N4BP2: variants seen among roughly 807,000 people sequenced by gnomAD.
The protein encoded by N4BP2 is NEDD4-binding protein 2.
In N4BP2, 91 loss-of-function variants were observed where a neutral mutation model predicts 152.8. That is an observed-to-expected ratio of 0.60 (90% CI 0.50 to 0.71). N4BP2 has a LOEUF of 0.71. Among genes scored for constraint, N4BP2 ranks in the 30% least tolerant of loss-of-function variants. N4BP2 has a pLI of 0.00. For missense variants in N4BP2, 1,923 were observed against 2,059.1 expected (o/e 0.93, Z 1.28); for synonymous variants, 646 against 705.3 (o/e 0.92, Z 1.33).
In N4BP2 at chr4:40,157,248, T is replaced by C. The variant is rs1721674635; in HGVS notation, c.*3011T>C. On this transcript the variant is annotated 3_prime_UTR_variant, in exon 18 of 18. Transcript: ENST00000261435. ...TATTGGCTCTTCATATTTCTCTACATTATTTTTAATGTGCAGTTTCTTCAA... is the reference window on the plus strand; with the variant it reads ...TATTGGCTCTTCATATTTCTCTACACTATTTTTAATGTGCAGTTTCTTCAA... The C allele has an allele frequency of 6.6e-6, 1 of 152,094 alleles. No individual in the cohort carries two copies. The highest frequency in any genetic ancestry group is 1.5e-5 in the Non-Finnish European group (1 of 67,962). 9.4% of individuals were successfully genotyped at this position (152,094 alleles called of 1,614,324 possible).
At chr4:40,125,020 A>C (rs1718264286) in intron 11 of N4BP2, among the ~76,000 whole-genome samples, 1 of 152,208 alleles carries the variant, frequency 6.6e-6, no homozygotes. Context: ...GCAGGGTGGC[A>C]GACCTGTTAT....
intron 2 of N4BP2, among the ~76,000 whole-genome samples, chr4:40,079,013 G>A (rs947646327): frequency 2.6e-5 from 4 of 151,810 alleles, no homozygotes; most frequent in Non-Finnish European, 4.4e-5. Context: ...ATGCAGTGGC[G>A]CGATCTCAAG....
the N4BP2 span, among the ~76,000 whole-genome samples, chr4:40,164,222 A>G: frequency 7.9e-5 from 12 of 152,268 alleles, no homozygotes; most frequent in East Asian, 2.3e-3. Context: ...CAGTGAAGGT[A>G]TAGTTGAGGA....
rs374695987 is a variant in N4BP2 at position 40,121,611 on chromosome 4, G to A, written c.3500G>A (p.Gly1167Glu). ...LNLKEIISQRGTLENSNSPVP... is the reference protein window; with the variant it reads ...LNLKEIISQRETLENSNSPVP... ...TTGAAAGAAATTATTAGCCAAAGAG[G>A]AACTTTAGAGAATTCTAATTCTCCT... The change falls in exon 9 of 18, where the codon GGA becomes GAA. Residue 1167 changes from glycine (G) to glutamate (E), a missense_variant. Transcript: ENST00000261435. 1 of 1,614,094 alleles carries A rather than the reference G, an allele frequency of 6.2e-7. No individual in the cohort carries two copies. The highest frequency in any genetic ancestry group is 1.3e-5 in the African/African-American group (1 of 75,030).
chr4:40,079,123 T>C (rs1242972052), intron 2 of N4BP2, among the ~76,000 whole-genome samples: 1 of 151,904 alleles, frequency 6.6e-6, no homozygotes, highest in African/African-American at 2.4e-5. Context: ...GGTTTTACCG[T>C]GCTGGCCAGG....
At chr4:40,072,242 A>ATT (rs34754962) in intron 1 of N4BP2, among the ~76,000 whole-genome samples, 21 of 117,552 alleles carry the variant, frequency 1.8e-4, no homozygotes, top group African/African-American at 4.6e-4. Context: ...TGCCTGGCTA[A>ATT]TTTTTTTTTT....
chr4:40,128,919 C>T (rs1230081340), intron 12 of N4BP2, among the ~76,000 whole-genome samples: 1 of 152,150 alleles, frequency 6.6e-6, no homozygotes, highest in Non-Finnish European at 1.5e-5. Context: ...ATGCCATTTT[C>T]CACTATTAAA....
At position 40,117,903 on chromosome 4, in the gene N4BP2, A is replaced by G. The variant is rs368811045; in HGVS notation, c.1699A>G (p.Thr567Ala). The change falls in exon 8 of 18, where the codon ACA (threonine) becomes GCA (alanine). Residue 567 changes from threonine to alanine, a missense_variant. Transcript: ENST00000261435. ...TCATGGGGTAAGCAAAGAAAAAATAACAAGAATGTTGGAACATTATCAACG... is the reference window on the plus strand; with the variant it reads ...TCATGGGGTAAGCAAAGAAAAAATAGCAAGAATGTTGGAACATTATCAACG... ...NIHGVSKEKI[T>A]RMLEHYQRFV... is the part of the protein sequence containing the mutation. 5.6e-6 allele frequency: 9 copies of G among 1,611,342 alleles called. No homozygotes were observed. The Middle Eastern group carries it at 6.6e-4, about 118-fold the overall frequency.
intron 16 of N4BP2, among the ~76,000 whole-genome samples, chr4:40,149,955 G>A (rs1220201469): frequency 1.3e-5 from 2 of 151,746 alleles, no homozygotes; most frequent in Non-Finnish European, 2.9e-5. Context: ...ATTTGCCCAA[G>A]GTAATACTTG....
At chr4:40,131,641 A>G (rs1404741459) in intron 12 of N4BP2, among the ~76,000 whole-genome samples, 160 bp from the exon 13 acceptor site, 3 of 152,194 alleles carry the variant, frequency 2.0e-5, no homozygotes, top group Non-Finnish European at 4.4e-5. Flanking sequence ...AAATAGTGCA[A>G]GAGTACTCGT....
chr4:40,145,936 CG>C (rs1417412302), intron 16 of N4BP2, among the ~76,000 whole-genome samples: 1 of 151,858 alleles, frequency 6.6e-6, no homozygotes, highest in African/African-American at 2.4e-5. Context: ...CCGAGGTGGG[CG>C]GATCACCTGA....
At chr4:40,088,493 C>T (rs887874904) in intron 2 of N4BP2, among the ~76,000 whole-genome samples, 12 of 147,648 alleles carry the variant, frequency 8.1e-5, no homozygotes, top group African/African-American at 2.7e-4. Flanking sequence ...TAAGTAATAT[C>T]TCATTATAGT....
chr4:40,131,343 G>T (rs1267260997), intron 12 of N4BP2, among the ~76,000 whole-genome samples: 1 of 152,128 alleles, frequency 6.6e-6, no homozygotes, highest in Non-Finnish European at 1.5e-5. Flanking sequence ...AATTGTACAG[G>T]ATTTTGTGGC....
rs150975696 is a variant in N4BP2 at position 40,117,842 on chromosome 4, A to G, written c.1665-27A>G. 2,200 of 1,576,026 alleles carry G rather than the reference A, an allele frequency of 1.4e-3. 30 individuals are homozygous for G. In the African/African-American group the frequency reaches 0.027, roughly 19 times the overall value. ...AAAACTTAATTATCAATATTCCTTC[A>G]ACCCTTTTTTCCCCTGGAATTTTCA... is the stretch of plus-strand genomic sequence containing the variant. On this transcript the variant is annotated intron_variant, in intron 7 of 17. Transcript: ENST00000261435.
rs535848857 is a variant in N4BP2, at chr4:40,105,044, C to T, written c.1373+1826C>T. Among the ~76,000 whole-genome samples, 138 of 152,160 alleles carry T rather than the reference C, an allele frequency of 9.1e-4. 2 individuals carry two copies. In the South Asian group the frequency reaches 0.027, roughly 30 times the overall value. ...GTCTTGATCTCCTGACCTTGTGATC[C>T]GCCCGCCTCGGCCTCCCAAAGTGCT... On this transcript the variant is annotated intron_variant, in intron 4 of 17. Coordinates refer to ENST00000261435, the MANE Select transcript of N4BP2 (RefSeq NM_018177.6).
At chr4:40,074,114 G>A (rs913683608) in intron 2 of N4BP2, among the ~76,000 whole-genome samples, 2 of 149,400 alleles carry the variant, frequency 1.3e-5, no homozygotes, top group African/African-American at 4.9e-5. Context: ...TTTTTGAGAT[G>A]GAGTGTTGCT....
chr4:40,087,710 A>G (rs1433453665), intron 2 of N4BP2, among the ~76,000 whole-genome samples: 1 of 151,898 alleles, frequency 6.6e-6, no homozygotes, highest in East Asian at 1.9e-4. Context: ...AATGTTGTGT[A>G]AGTGGAATAA....
At chr4:40,150,056 C>T (rs1721001413) in intron 16 of N4BP2, among the ~76,000 whole-genome samples, 1 of 152,168 alleles carries the variant, frequency 6.6e-6, no homozygotes, top group Non-Finnish European at 1.5e-5. Flanking sequence ...TACTGTCAGT[C>T]ACCACCAGGT....
At chr4:40,083,207 G>C (rs1199811536) in intron 2 of N4BP2, 2 of 153,682 alleles carry the variant, frequency 1.3e-5, no homozygotes, top group African/African-American at 4.8e-5. Flanking sequence ...GAGGATTAGA[G>C]AAATCAGAGC....
Sources: gnomAD v4.1 joint callset for allele counts (sites outside exome capture counted in the v4.1 genomes callset) on GRCh38, gnomAD v4.1.1 for gene constraint, MANE v1.5 for transcripts, NCBI Gene and HGNC (gene_info 2026-07-23, HGNC 2026-07-21) for gene names.